The following SLC35F4 variants were observed in gnomAD, a reference collection of about 807,000 sequenced individuals.
The protein encoded by SLC35F4 is solute carrier family 35 member F4, also known as chromosome 14 open reading frame 36.
In SLC35F4, 24 loss-of-function variants were observed where a neutral mutation model predicts 44.2. That is an observed-to-expected ratio of 0.54 (90% CI 0.39 to 0.76). The LOEUF (loss-of-function observed/expected upper bound fraction) is 0.76. Among genes scored for constraint, SLC35F4 ranks in the 30% least tolerant of loss-of-function variants. The probability of loss-of-function intolerance (pLI) is 0.00; values close to 1 mark genes in which losing one functional copy is unlikely to be tolerated. For synonymous variants in SLC35F4, 238 were observed against 223.6 expected (o/e 1.06, Z -0.57); for missense variants, 562 against 586.1 (o/e 0.96, Z 0.42).
chr14:57,631,297 G>C (rs2072758050), intron 1 of SLC35F4: 1 of 152,022 alleles, frequency 6.6e-6, no homozygotes, highest in South Asian at 2.1e-4. Flanking sequence ...AGGCTTCACT[G>C]CTTTTTTCTG....
At chr14:57,598,609 T>C (rs745498628) in intron 1 of SLC35F4, among the ~76,000 whole-genome samples, 1 of 152,172 alleles carries the variant, frequency 6.6e-6, no homozygotes, top group Non-Finnish European at 1.5e-5. Flanking sequence ...AATGTCTCCA[T>C]GCGAACAAGT....
At chr14:57,620,902 G>A (rs1408158230) in intron 1 of SLC35F4, among the ~76,000 whole-genome samples, 1 of 152,072 alleles carries the variant, frequency 6.6e-6, no homozygotes, top group Non-Finnish European at 1.5e-5. Context: ...GTACATGATT[G>A]TACATCTAGA....
chr14:57,870,646 C>T (rs1240305415), upstream of SLC35F4, among the ~76,000 whole-genome samples: 7 of 152,326 alleles, frequency 4.6e-5, no homozygotes, highest in Middle Eastern at 3.4e-3. Flanking sequence ...CATAGTATTG[C>T]TGTGATGGTT....
intron 3 of SLC35F4, among the ~76,000 whole-genome samples, chr14:57,587,359 A>C (rs1452990236): frequency 6.6e-6 from 1 of 152,236 alleles, no homozygotes. Context: ...AATAGCAAAG[A>C]CTTGGAACGA....
chr14:57,772,499 G>A (rs578215246), intron 1 of SLC35F4, among the ~76,000 whole-genome samples: 17 of 152,220 alleles, frequency 1.1e-4, no homozygotes, highest in African/African-American at 3.9e-4. Flanking sequence ...TACCTAATAG[G>A]TAATTTTTCA....
intron 1 of SLC35F4, among the ~76,000 whole-genome samples, chr14:57,714,684 TCA>T (rs1463052804): frequency 2.6e-5 from 4 of 152,090 alleles, no homozygotes; most frequent in African/African-American, 9.7e-5. Flanking sequence ...GATGAATAAT[TCA>T]CAGTTTTTTC....
At chr14:57,785,758 C>T (rs760934921) in intron 1 of SLC35F4, among the ~76,000 whole-genome samples, 10 of 152,294 alleles carry the variant, frequency 6.6e-5, no homozygotes, top group Non-Finnish European at 8.8e-5. Context: ...GCAGCAGAAA[C>T]GCCCTGGGAG....
intron 1 of SLC35F4, among the ~76,000 whole-genome samples, chr14:57,712,547 A>G (rs2075840502): frequency 6.6e-6 from 1 of 152,168 alleles, no homozygotes; most frequent in Non-Finnish European, 1.5e-5. Context: ...AATATTTTCT[A>G]TGTGAAGTCT....
intron 1 of SLC35F4, among the ~76,000 whole-genome samples, chr14:57,674,322 G>C (rs1199829792): frequency 6.6e-6 from 1 of 152,172 alleles, no homozygotes; most frequent in East Asian, 1.9e-4. Flanking sequence ...AAATAACACT[G>C]AACATAGGCC....
intron 1 of SLC35F4, among the ~76,000 whole-genome samples, chr14:57,770,303 G>C (rs2077332927): frequency 6.6e-6 from 1 of 152,208 alleles, no homozygotes; most frequent in Admixed American, 6.5e-5. Context: ...CAGGATATCT[G>C]TCTATGGTCT....
intron 1 of SLC35F4, among the ~76,000 whole-genome samples, chr14:57,697,315 T>A (rs932789530): frequency 6.6e-6 from 1 of 152,152 alleles, no homozygotes; most frequent in Non-Finnish European, 1.5e-5. Context: ...TAACTTATGG[T>A]CAAAGAGCAT....
chr14:57,835,555 G>A (rs918586564), intron 1 of SLC35F4, among the ~76,000 whole-genome samples: 3 of 152,130 alleles, frequency 2.0e-5, no homozygotes, highest in African/African-American at 7.2e-5. Flanking sequence ...CGCAAAATGT[G>A]ACTGACAAGA....
chr14:57,592,039 C>T (rs2070221190), intron 2 of SLC35F4, among the ~76,000 whole-genome samples: 1 of 152,182 alleles, frequency 6.6e-6, no homozygotes, highest in African/African-American at 2.4e-5. Context: ...TTACAAAGCA[C>T]AGAAAGATTA....
intron 1 of SLC35F4, among the ~76,000 whole-genome samples, chr14:57,938,807 C>T (rs1199011658): frequency 6.6e-6 from 1 of 152,064 alleles, no homozygotes; most frequent in Non-Finnish European, 1.5e-5. Context: ...CCAAGGCATT[C>T]GACTGATTGG....
intron 1 of SLC35F4, among the ~76,000 whole-genome samples, chr14:57,842,755 A>G (rs987891837): frequency 2.0e-5 from 3 of 152,154 alleles, no homozygotes; most frequent in African/African-American, 7.2e-5. Context: ...TTGAGTGTCA[A>G]TTTAAATGGA....
intron 1 of SLC35F4, among the ~76,000 whole-genome samples, chr14:57,620,457 G>T (rs920146925): frequency 4.6e-5 from 7 of 152,118 alleles, no homozygotes; most frequent in Non-Finnish European, 7.4e-5. Flanking sequence ...ATAAGCAAAA[G>T]AGAAATAAAA....
chr14:57,580,470 T>C, intron 4 of SLC35F4: 1 of 332,454 alleles, frequency 3.0e-6, no homozygotes. Context: ...CTCAATATGT[T>C]CATCATAGTG....
intron 1 of SLC35F4, among the ~76,000 whole-genome samples, chr14:57,964,857 T>G (rs1055285668): frequency 6.6e-6 from 1 of 151,794 alleles, no homozygotes; most frequent in African/African-American, 2.4e-5. Flanking sequence ...TTGGAGAAGG[T>G]CTTTGTATAA....
upstream of SLC35F4, chr14:57,982,195 G>A (rs921589893): frequency 1.4e-4 from 21 of 152,318 alleles, no homozygotes; most frequent in Admixed American, 8.5e-4. Context: ...AGCTATGAGT[G>A]GAGGAGACAG....
Sources: allele counts gnomAD v4.1 joint callset (sites outside exome capture counted in the v4.1 genomes callset), GRCh38; gene constraint gnomAD v4.1.1; transcripts MANE v1.5; gene names NCBI Gene and HGNC (gene_info 2026-07-23, HGNC 2026-07-21).